The following CNTNAP4 variants were observed in gnomAD, a reference collection of about 807,000 sequenced individuals.
CNTNAP4 encodes the protein contactin associated protein family member 4.
In CNTNAP4, 98 loss-of-function variants were observed where a neutral mutation model predicts 148.4. The ratio of observed to expected loss-of-function variants is 0.66; its 90% CI spans 0.56 to 0.78. The LOEUF (loss-of-function observed/expected upper bound fraction) is 0.78. Ranked by LOEUF, CNTNAP4 falls within the 30% of genes least tolerant of loss-of-function variation. CNTNAP4 has a pLI of 0.00. For synonymous variants in CNTNAP4, 730 were observed against 565.1 expected (o/e 1.29, Z -4.14); for missense variants, 1,935 against 1,565.6 (o/e 1.24, Z -3.98).
intron 17 of CNTNAP4, among the ~76,000 whole-genome samples, chr16:76,534,217 A>G (rs1420182923): frequency 6.6e-6 from 1 of 152,152 alleles, no homozygotes; most frequent in Non-Finnish European, 1.5e-5. Flanking sequence ...GAATGGATGG[A>G]TTTCATAGTT....
chr16:76,412,802 T>C (rs1312590204), intron 3 of CNTNAP4, among the ~76,000 whole-genome samples: 1 of 151,480 alleles, frequency 6.6e-6, no homozygotes, highest in Admixed American at 6.6e-5. Context: ...AAGTTCTTAA[T>C]GTATTCTGAC....
intron 9 of CNTNAP4, 87 bp from the exon 10 acceptor site, chr16:76,467,265 C>G: frequency 8.4e-7 from 1 of 1,192,878 alleles, no homozygotes; most frequent in Non-Finnish European, 1.2e-6. Context: ...TCATATGCCT[C>G]TTTCTTTTAT....
intron 15 of CNTNAP4, among the ~76,000 whole-genome samples, chr16:76,511,672 A>G (rs892297564): frequency 6.6e-6 from 1 of 152,074 alleles, no homozygotes; most frequent in African/African-American, 2.4e-5. Context: ...ATCTTTTTCA[A>G]TTTCACTTTT....
chr16:76,321,523 C>T (rs1322082156), intron 2 of CNTNAP4, among the ~76,000 whole-genome samples: 1 of 152,160 alleles, frequency 6.6e-6, no homozygotes. Flanking sequence ...GGTGCAGTGG[C>T]TCATGCTTGT....
At chr16:76,319,007 C>T (rs1257399274) in intron 2 of CNTNAP4, among the ~76,000 whole-genome samples, 1 of 151,924 alleles carries the variant, frequency 6.6e-6, no homozygotes, top group African/African-American at 2.4e-5. Flanking sequence ...GAAAGTTACC[C>T]ACTTATTTTC....
At chr16:76,288,327 T>C (rs1420092699) in intron 1 of CNTNAP4, among the ~76,000 whole-genome samples, 1 of 152,260 alleles carries the variant, frequency 6.6e-6, no homozygotes, top group Admixed American at 6.5e-5. Flanking sequence ...AATTACTCAG[T>C]CTCAGGTATG....
chr16:76,448,560 A>G (rs997468357), intron 5 of CNTNAP4, among the ~76,000 whole-genome samples: 2 of 152,230 alleles, frequency 1.3e-5, no homozygotes, highest in Non-Finnish European at 2.9e-5. Flanking sequence ...AGTAATAATG[A>G]CAAAAAGAAT....
At chr16:76,442,403 A>G (rs1166132255) in intron 4 of CNTNAP4, among the ~76,000 whole-genome samples, 1 of 152,190 alleles carries the variant, frequency 6.6e-6, no homozygotes, top group African/African-American at 2.4e-5. Flanking sequence ...TTTTACAACA[A>G]TAATAGGAAG....
chr16:76,554,217 G>A (rs1395963358), intron 23 of CNTNAP4, among the ~76,000 whole-genome samples: 1 of 152,138 alleles, frequency 6.6e-6, no homozygotes, highest in African/African-American at 2.4e-5. Flanking sequence ...GTAGTCACTA[G>A]AGAATTGTGA....
chr16:76,491,139 C>T (rs2082205424), intron 13 of CNTNAP4, among the ~76,000 whole-genome samples: 1 of 152,102 alleles, frequency 6.6e-6, no homozygotes, highest in Admixed American at 6.5e-5. Context: ...CCCTTCTTCT[C>T]CTCTTTCTCC....
At chr16:76,345,914 T>C in intron 2 of CNTNAP4, among the ~76,000 whole-genome samples, 1 of 152,192 alleles carries the variant, frequency 6.6e-6, no homozygotes, top group East Asian at 1.9e-4. Context: ...CTTCATCACA[T>C]ACATCACTAA....
At chr16:76,460,773 A>AAAAAAAAAAAAAAAAATATATATATATAT in intron 8 of CNTNAP4, among the ~76,000 whole-genome samples, 3 of 57,324 alleles carry the variant, frequency 5.2e-5, no homozygotes, top group South Asian at 6.2e-4. Context: ...AAAAAAAAAA[A>AAAAAAAAAAAAAAAAATATATATATATAT]ATATATATAT....
intron 2 of CNTNAP4, among the ~76,000 whole-genome samples, chr16:76,344,633 A>G (rs886754968): frequency 1.3e-5 from 2 of 152,212 alleles, no homozygotes; most frequent in African/African-American, 4.8e-5. Flanking sequence ...AAAATACTCC[A>G]TATTTTTCAG....
At chr16:76,449,622 G>A (rs1428000370) in intron 6 of CNTNAP4, 93 bp from the exon 7 acceptor site, 2 of 1,061,200 alleles carry the variant, frequency 1.9e-6, no homozygotes, top group Admixed American at 6.3e-5. Context: ...ATTGATCTGT[G>A]TGTGATGATT....
intron 1 of CNTNAP4, among the ~76,000 whole-genome samples, chr16:76,308,878 G>A (rs977034055): frequency 6.6e-6 from 1 of 151,990 alleles, no homozygotes; most frequent in Non-Finnish European, 1.5e-5. Flanking sequence ...AGGCTGGTGT[G>A]CAGTGGTGCG....
intron 2 of CNTNAP4, among the ~76,000 whole-genome samples, chr16:76,322,174 A>G (rs1962489101): frequency 1.3e-5 from 2 of 152,330 alleles, no homozygotes; most frequent in Middle Eastern, 6.8e-3. Flanking sequence ...GAATTGCAAG[A>G]GTCCCCTGCC....
At chr16:76,490,775 C>T (rs1030240910) in intron 13 of CNTNAP4, among the ~76,000 whole-genome samples, 1 of 152,104 alleles carries the variant, frequency 6.6e-6, no homozygotes. Flanking sequence ...TCTGTGTCCA[C>T]CCTGCCTATA....
intron 3 of CNTNAP4, among the ~76,000 whole-genome samples, chr16:76,368,883 T>A (rs1367629261): frequency 6.6e-6 from 1 of 152,118 alleles, no homozygotes; most frequent in African/African-American, 2.4e-5. Flanking sequence ...CTCGCCCCAT[T>A]TGAAGAGCTC....
rs185763944 is a variant in CNTNAP4 at position 76,404,248 on chromosome 16, G to A, written c.391-23204G>A. Among the ~76,000 whole-genome samples, 54 of 150,988 alleles carry A rather than the reference G, an allele frequency of 3.6e-4. No individual in the cohort carries two copies. In the East Asian group the frequency reaches 8.2e-3, roughly 23 times the overall value. On this transcript the variant is annotated intron_variant, in intron 3 of 23. Transcript: ENST00000611870. ...TGAAATTAAAAAGGTAAATGTAAAT[G>A]CACAAAGAAAAAAACTAAAGTCAAA...
Sources: allele counts gnomAD v4.1 joint callset (sites outside exome capture counted in the v4.1 genomes callset), GRCh38; gene constraint gnomAD v4.1.1; transcripts MANE v1.5; gene names NCBI Gene and HGNC (gene_info 2026-07-23, HGNC 2026-07-21).